Variants in ACSM2B observed in about 807,000 individuals in gnomAD.
ACSM2B encodes acyl-coenzyme A synthetase ACSM2B, mitochondrial.
In ACSM2B, 58 loss-of-function variants were observed where a neutral mutation model predicts 78.6. The ratio of observed to expected loss-of-function variants is 0.74; its 90% CI spans 0.60 to 0.92. The LOEUF is 0.92. ACSM2B is among the 40% of genes least tolerant of loss of function. ACSM2B has a pLI of 0.00. For synonymous variants in ACSM2B, 257 were observed against 256.8 expected (o/e 1.00, Z -0.01); for missense variants, 688 against 711.2 (o/e 0.97, Z 0.37).
chr16:20,565,231 A>T (rs10852243), intron 1 of ACSM2B, among the ~76,000 whole-genome samples: 65,741 of 152,036 alleles, frequency 0.43, 17,953 homozygotes, highest in East Asian at 0.87. Context: ...TTAAGTGACT[A>T]CCCAGTGCAT....
At position 20,553,869 on chromosome 16, in the gene ACSM2B, A is replaced by T; in HGVS notation, c.648T>A (p.Ser216=). Residue 216 remains serine (S), a synonymous_variant, in exon 5 of 14, where the codon TCT becomes TCA. Coordinates refer to ENST00000329697, the MANE Select transcript of ACSM2B (RefSeq NM_001105069.2). ...TGGTCCCACTAGTGAAGTAGATGGC[A>T]GATGCTTCCTGGCTTCCAGTCTCCA... ...HCVETGSQEA[S]AIYFTSGTSG... 6.2e-7 allele frequency: 1 copy of T among 1,613,960 alleles called. No individual in the cohort carries two copies. Among genetic ancestry groups the T allele is most frequent in the East Asian group, 2.2e-5 (1 of 44,868 alleles).
chr16:20,551,624 AG>A (rs2015313246), intron 6 of ACSM2B, among the ~76,000 whole-genome samples: 1 of 152,150 alleles, frequency 6.6e-6, no homozygotes, highest in East Asian at 1.9e-4. Context: ...ATTTTATTAT[AG>A]TAGCCCAAGC....
Position 20,540,292 on chromosome 16 carries a change from G to C in ACSM2B, c.1629+362C>G, listed in dbSNP as rs550637329. ...GGGTCTCACTCTGTCACTTAGGCTGGAGTGCAGTGGCATGATCTCGGCTCA... is the reference window on the plus strand; with the variant it reads ...GGGTCTCACTCTGTCACTTAGGCTGCAGTGCAGTGGCATGATCTCGGCTCA... On this transcript the variant is annotated intron_variant, in intron 13 of 13. Transcript: ENST00000329697. Among the ~76,000 whole-genome samples, 12 of 150,984 alleles carry C rather than the reference G, an allele frequency of 7.9e-5. No homozygotes were observed. In the East Asian group the frequency reaches 1.6e-3, roughly 20 times the overall value.
intron 10 of ACSM2B, 99 bp downstream of exon 10, chr16:20,545,058 T>G (rs1256550444): frequency 9.1e-6 from 13 of 1,436,298 alleles, no homozygotes; most frequent in Admixed American, 2.2e-5. Flanking sequence ...TCTCCATATC[T>G]AATGCCTCTT....
In ACSM2B at chr16:20,548,178, A is replaced by T; in HGVS notation, c.982T>A (p.Phe328Ile). 6.2e-7 allele frequency: 1 copy of T among 1,614,048 alleles called. No individual in the cohort carries two copies. Among genetic ancestry groups the T allele is most frequent in the Non-Finnish European group, 8.5e-7 (1 of 1,179,920 alleles). The change falls in exon 8 of 14, where the codon TTC (phenylalanine) becomes ATC (isoleucine). Residue 328 changes from phenylalanine (F) to isoleucine (I), a missense_variant. Physicochemically the swap from Phe to Ile is conservative, Grantham distance 21 (BLOSUM62 0). Coordinates refer to ENST00000329697, the MANE Select transcript of ACSM2B (RefSeq NM_001105069.2). ...LLQQDLSSYK[F>I]PHLQNCLAGG... ...GCGAGGCAGTTCTGTAGATGGGGGA[A>T]CTTGTAACTGAAGAAGAGAAATAAA... is the stretch of plus-strand genomic sequence containing the variant.
intron 12 of ACSM2B, among the ~76,000 whole-genome samples, chr16:20,541,491 G>A (rs571414530): frequency 5.3e-5 from 8 of 151,850 alleles, no homozygotes; most frequent in African/African-American, 1.9e-4. Context: ...CTGTGGCACA[G>A]GGGCTCTATC....
chr16:20,553,815 G>C lies in ACSM2B; in HGVS notation c.702C>G (p.Ser234=). 6.2e-7 allele frequency: 1 copy of C among 1,612,642 alleles called. No homozygotes were observed. The highest frequency in any genetic ancestry group is 8.5e-7 in the Non-Finnish European group (1 of 1,178,918). The change falls in exon 5 of 14, where the codon TCC becomes TCG. Residue 234 remains serine, a synonymous_variant. Transcript: ENST00000329697. Reference sequence around the variant, plus strand: ...TGGCCTTGAGGCCCAGGCTCGAGTAGGAATGTTCTGCCATCTTGGGAAGAC... The same window carrying C: ...TGGCCTTGAGGCCCAGGCTCGAGTACGAATGTTCTGCCATCTTGGGAAGAC... The part of the protein sequence containing the change: ...TSGLPKMAEH[S]YSSLGLKAKM...
At chr16:20,560,669 A>G (rs1490843831) in intron 2 of ACSM2B, among the ~76,000 whole-genome samples, 1 of 152,062 alleles carries the variant, frequency 6.6e-6, no homozygotes. Flanking sequence ...GAAGTGGGAT[A>G]TTGCTATAAA....
chr16:20,567,869 A>T (rs1294701965), intron 1 of ACSM2B, among the ~76,000 whole-genome samples: 1 of 142,742 alleles, frequency 7.0e-6, no homozygotes, highest in South Asian at 2.1e-4. Flanking sequence ...TTATATATAG[A>T]TATATACTAT....
In ACSM2B at chr16:20,536,472, G is replaced by A. The variant is rs9932879; in HGVS notation, c.*786C>T. The A allele has an allele frequency of 0.62, 94,485 of 151,850 alleles. 32,612 individuals carry two copies. Among genetic ancestry groups the A allele is most frequent in the Non-Finnish European group, 0.78 (52,809 of 67,926 alleles). The allele number at this position is 151,850 out of a possible 1,614,324, so 9.4% of individuals were successfully genotyped here. A position where few individuals can be genotyped will look rare whatever the true frequency, so the allele number is the denominator to read the frequency against. On this transcript the variant is annotated 3_prime_UTR_variant, in exon 14 of 14. Coordinates refer to ENST00000329697, the MANE Select transcript of ACSM2B (RefSeq NM_001105069.2). ...ACATGGCAAATGCTTAATAAATGGT[G>A]GTTCCCCTCTGACCCTGACAGTTTC...
At position 20,546,465 on chromosome 16, in the gene ACSM2B, A is replaced by C. The variant is rs746485818; in HGVS notation, c.1108T>G (p.Cys370Gly). Residue 370 changes from cysteine to glycine, a missense_variant, in exon 9 of 14, where the codon TGC becomes GGC. By Grantham distance (159) the Cys-to-Gly change is radical. Transcript: ENST00000329697. ...FYGQTETGLT[C>G]MVSKTMKIKP... ...ATTTTCATTGTCTTGGAAACCATGC[A>C]AGTTAATCCCTGTGGAAAGAAGCAG... is the stretch of plus-strand genomic sequence containing the variant. 1.7e-5 allele frequency: 28 copies of C among 1,605,142 alleles called. No homozygotes were observed. Among genetic ancestry groups the C allele is most frequent in the Non-Finnish European group, 2.3e-5 (27 of 1,175,498 alleles).
rs373891337 is a variant in ACSM2B at position 20,548,442 on chromosome 16, A to G, written c.926T>C (p.Met309Thr). ...CATCCGGTAAACAATAGGGGCACCC[A>G]TCATACTCTTGATTGGATAACTGGA... ...TLSSYPIKSMMGAPIVYRMLL... is the reference protein window; with the variant it reads ...TLSSYPIKSMTGAPIVYRMLL... Residue 309 changes from methionine to threonine, a missense_variant, in exon 7 of 14, where the codon ATG becomes ACG. Coordinates refer to ENST00000329697, the MANE Select transcript of ACSM2B (RefSeq NM_001105069.2). 1 of 1,613,562 alleles carries G rather than the reference A, an allele frequency of 6.2e-7. No individual in the cohort carries two copies. Among genetic ancestry groups the G allele is most frequent in the Non-Finnish European group, 8.5e-7 (1 of 1,179,720 alleles).
chr16:20,540,222 TTG>T (rs1359438573), intron 13 of ACSM2B, among the ~76,000 whole-genome samples: 154 of 53,108 alleles, frequency 2.9e-3, no homozygotes, highest in Non-Finnish European at 3.8e-3. Context: ...TGTTTTTTTT[TTG>T]TTTTTTTTTT....
rs181537206 is a variant in ACSM2B, at chr16:20,549,714, C to T, written c.895-1241G>A. 1.8e-5 allele frequency: 8 copies of T among 436,734 alleles called. No individual in the cohort carries two copies. In the Admixed American group the frequency reaches 2.0e-4, roughly 11 times the overall value. The allele number at this position is 436,734 out of a possible 1,614,324, so 27.1% of individuals were successfully genotyped here. ...ACGTGCCCAAGGTGGTCAGGGTGCA[C>T]TTTGGTTTTATACATTTTAGGGAGA... On this transcript the variant is annotated intron_variant, in intron 6 of 13. Coordinates refer to ENST00000329697, the MANE Select transcript of ACSM2B (RefSeq NM_001105069.2).
At chr16:20,538,777 C>G (rs118083324) in intron 13 of ACSM2B, among the ~76,000 whole-genome samples, 1 of 152,138 alleles carries the variant, frequency 6.6e-6, no homozygotes, top group Non-Finnish European at 1.5e-5. Context: ...AACTGAGGAA[C>G]GCAGAGGTTA....
intron 8 of ACSM2B, 106 bp from the exon 9 acceptor site, chr16:20,546,580 C>A (rs192503145): frequency 2.8e-6 from 4 of 1,450,832 alleles, no homozygotes; most frequent in Non-Finnish European, 2.7e-6. Context: ...CTGAACTTGG[C>A]CTGCACTTGG....
At chr16:20,537,732 TG>T (rs1342144151) in intron 13 of ACSM2B, among the ~76,000 whole-genome samples, 1 of 152,184 alleles carries the variant, frequency 6.6e-6, no homozygotes, top group Non-Finnish European at 1.5e-5. Flanking sequence ...CTGAGTAAGA[TG>T]GAGGATAATA....
chr16:20,548,431 T>C lies in ACSM2B; in HGVS notation c.937A>G (p.Ile313Val). 6.2e-7 allele frequency: 1 copy of C among 1,613,534 alleles called. No individual in the cohort carries two copies. Among genetic ancestry groups the C allele is most frequent in the Non-Finnish European group, 8.5e-7 (1 of 1,179,688 alleles). Residue 313 changes from isoleucine (I) to valine (V), a missense_variant, in exon 7 of 14, where the codon ATT becomes GTT. Coordinates refer to ENST00000329697, the MANE Select transcript of ACSM2B (RefSeq NM_001105069.2). ...YPIKSMMGAP[I>V]VYRMLLQQDL... ...TGCTGTAGCAACATCCGGTAAACAA[T>C]AGGGGCACCCATCATACTCTTGATT... is the stretch of plus-strand genomic sequence containing the variant.
chr16:20,552,079 A>T (rs1218458725), intron 6 of ACSM2B, 65 bp downstream of exon 6: 152 of 1,525,620 alleles, frequency 1.0e-4, no homozygotes, highest in Middle Eastern at 1.8e-4. Context: ...CAAACTACAA[A>T]AAATTGAAGT....
Sources: allele counts gnomAD v4.1 joint callset (sites outside exome capture counted in the v4.1 genomes callset), GRCh38; gene constraint gnomAD v4.1.1; transcripts MANE v1.5; gene names NCBI Gene and HGNC (gene_info 2026-07-23, HGNC 2026-07-21).